The following COL8A1 variants were observed in gnomAD, a reference collection of about 807,000 sequenced individuals.
The protein encoded by COL8A1 is collagen alpha-1(VIII) chain.
COL8A1 carries 21 observed loss-of-function variants against 42.7 expected under a neutral mutation model. That is an observed-to-expected ratio of 0.49 (90% CI 0.35 to 0.71). The LOEUF is 0.71. Among genes scored for constraint, COL8A1 ranks in the 30% least tolerant of loss-of-function variants. The pLI is 0.01. For missense variants in COL8A1, 788 were observed against 962.4 expected, an observed-to-expected ratio of 0.82 and a Z score of 2.40; for synonymous variants, 367 against 369.1, an observed-to-expected ratio of 0.99 and a Z score of 0.06.
intron 1 of COL8A1, among the ~76,000 whole-genome samples, chr3:99,714,046 G>A (rs549063347): frequency 1.0e-3 from 154 of 152,000 alleles, no homozygotes; most frequent in Non-Finnish European, 1.9e-3. Flanking sequence ...CAACCAACCC[G>A]GGAGTTTAAC....
chr3:99,682,089 C>T (rs1043920167), intron 1 of COL8A1, among the ~76,000 whole-genome samples: 1 of 152,032 alleles, frequency 6.6e-6, no homozygotes, highest in Non-Finnish European at 1.5e-5. Context: ...TATACAAATC[C>T]GAAGTTCTCC....
In COL8A1 at chr3:99,744,881, C is replaced by CT. The variant is rs1940989468; in HGVS notation, c.-128-10dup. On this transcript the variant is annotated splice_polypyrimidine_tract_variant and intron_variant, in intron 1 of 3. Transcript: ENST00000652472. ...TAATTGCCTTGAGTAAAAGTATCCT[C>CT]TTTTTTCTACTTTAGAAGCTGTTGT... 1.3e-5 allele frequency: 2 copies of CT among 152,298 alleles called. No individual in the cohort carries two copies. The highest frequency in any genetic ancestry group is 2.9e-5 in the Non-Finnish European group (2 of 68,042). The allele number at this position is 152,298 out of a possible 1,614,324, so 9.4% of individuals were successfully genotyped here.
At chr3:99,724,277 G>A (rs1559618379) in intron 1 of COL8A1, among the ~76,000 whole-genome samples, 5 of 152,106 alleles carry the variant, frequency 3.3e-5, no homozygotes, top group African/African-American at 9.7e-5. Context: ...TCAGGGCAGT[G>A]AGCACTGTGG....
At chr3:99,765,763 A>G (rs771573336) in intron 2 of COL8A1, among the ~76,000 whole-genome samples, 3 of 152,188 alleles carry the variant, frequency 2.0e-5, no homozygotes, top group Non-Finnish European at 4.4e-5. Context: ...ACCCAACCTA[A>G]GAATGTTAAC....
At chr3:99,742,994 C>A (rs1030315392) in intron 1 of COL8A1, among the ~76,000 whole-genome samples, 8 of 152,092 alleles carry the variant, frequency 5.3e-5, no homozygotes, top group Non-Finnish European at 1.2e-4. Context: ...CATTGTATCC[C>A]CAACACTAAG....
intron 2 of COL8A1, among the ~76,000 whole-genome samples, chr3:99,769,172 A>G (rs997223869): frequency 1.3e-5 from 2 of 152,104 alleles, no homozygotes; most frequent in African/African-American, 4.8e-5. Flanking sequence ...TAAGTTGACA[A>G]CTCTTCATAG....
chr3:99,762,627 C>G (rs1261206368), intron 2 of COL8A1, among the ~76,000 whole-genome samples: 1 of 152,204 alleles, frequency 6.6e-6, no homozygotes, highest in Non-Finnish European at 1.5e-5. Flanking sequence ...CTATCCACAG[C>G]CTCCAGCAAA....
intron 1 of COL8A1, among the ~76,000 whole-genome samples, chr3:99,721,141 C>T (rs1940139629): frequency 6.6e-6 from 1 of 152,092 alleles, no homozygotes; most frequent in South Asian, 2.1e-4. Context: ...CCCCTTTGCT[C>T]ACTGCCAACT....
intron 2 of COL8A1, among the ~76,000 whole-genome samples, chr3:99,782,559 T>G (rs1941813711): frequency 1.3e-5 from 2 of 152,154 alleles, no homozygotes; most frequent in African/African-American, 4.8e-5. Flanking sequence ...GCCCGGCTAA[T>G]TTTTGTATTT....
intron 2 of COL8A1, among the ~76,000 whole-genome samples, chr3:99,771,069 C>A (rs115920536): frequency 2.0e-5 from 3 of 152,248 alleles, no homozygotes; most frequent in Non-Finnish European, 4.4e-5. Context: ...AAGGCCCTGG[C>A]AGAACCAACT....
At chr3:99,699,666 C>T (rs773291205) in intron 1 of COL8A1, among the ~76,000 whole-genome samples, 21 of 152,136 alleles carry the variant, frequency 1.4e-4, no homozygotes, top group Non-Finnish European at 2.9e-4. Context: ...TCCATTCTAA[C>T]CAAAAATATA....
At position 99,798,564 on chromosome 3, in the gene COL8A1, A is replaced by G. The variant is rs1411003793; in HGVS notation, c.*2428A>G. 6.6e-6 allele frequency: 1 copy of G among 152,220 alleles called. No homozygotes were observed. The highest frequency in any genetic ancestry group is 1.5e-5 in the Non-Finnish European group (1 of 68,042). 9.4% of individuals were successfully genotyped at this position (152,220 alleles called of 1,614,324 possible). ...TTAAAACCAAATTTCACTTTTCAAAATATCTTCCAACTTATTTATTGGTTG... is the reference window on the plus strand; with the variant it reads ...TTAAAACCAAATTTCACTTTTCAAAGTATCTTCCAACTTATTTATTGGTTG... On this transcript the variant is annotated 3_prime_UTR_variant, in exon 4 of 4. Transcript: ENST00000652472.
At chr3:99,679,598 T>G (rs144544826) in intron 1 of COL8A1, 1 of 152,332 alleles carries the variant, frequency 6.6e-6, no homozygotes, top group East Asian at 1.9e-4. Flanking sequence ...CAAAATACTT[T>G]ACTCTTTCAC....
Position 99,642,180 on chromosome 3 carries a change from A to G in COL8A1, c.-129+3516A>G, listed in dbSNP as rs553950484. ...ATAAGGAGTGAGAAGTATGAGCATTAACCACATTTCAACACAAACAGAGAA... is the reference window on the plus strand; with the variant it reads ...ATAAGGAGTGAGAAGTATGAGCATTGACCACATTTCAACACAAACAGAGAA... On this transcript the variant is annotated intron_variant, in intron 1 of 3. Coordinates refer to ENST00000652472, the MANE Select transcript of COL8A1 (RefSeq NM_020351.4). Among the ~76,000 whole-genome samples the G allele has an allele frequency of 2.0e-5, 3 of 152,304 alleles. No individual in the cohort carries two copies. In the South Asian group the frequency reaches 6.2e-4, roughly 32 times the overall value.
chr3:99,662,906 A>T (rs1938252266), intron 1 of COL8A1, among the ~76,000 whole-genome samples: 1 of 152,140 alleles, frequency 6.6e-6, no homozygotes, highest in Admixed American at 6.5e-5. Context: ...ATATTGGAGT[A>T]GGGGCTGCTT....
At chr3:99,777,507 G>T (rs7614366) in intron 2 of COL8A1, among the ~76,000 whole-genome samples, 32,788 of 152,048 alleles carry the variant, frequency 0.22, 4,045 homozygotes, top group African/African-American at 0.33. Flanking sequence ...AGAACAAGAT[G>T]GCATTCTGCT....
At chr3:99,672,152 G>A (rs2107314307) in intron 1 of COL8A1, among the ~76,000 whole-genome samples, 1 of 152,118 alleles carries the variant, frequency 6.6e-6, no homozygotes, top group East Asian at 1.9e-4. Flanking sequence ...TCATCCATAG[G>A]AAGTTTCCAC....
chr3:99,686,861 T>G (rs888688119), intron 1 of COL8A1, among the ~76,000 whole-genome samples: 3 of 151,628 alleles, frequency 2.0e-5, no homozygotes, highest in South Asian at 2.1e-4. Flanking sequence ...TGTTTGTTTT[T>G]GGGGGGGGTT....
intron 2 of COL8A1, among the ~76,000 whole-genome samples, chr3:99,763,790 C>G (rs1941408848): frequency 6.6e-6 from 1 of 152,180 alleles, no homozygotes; most frequent in Non-Finnish European, 1.5e-5. Context: ...AATTGGTCAC[C>G]ATCTACTCTG....
Sources: allele counts gnomAD v4.1 joint callset (sites outside exome capture counted in the v4.1 genomes callset), GRCh38; gene constraint gnomAD v4.1.1; transcripts MANE v1.5; gene names NCBI Gene and HGNC (gene_info 2026-07-23, HGNC 2026-07-21).